CUBN: variants seen among roughly 807,000 people sequenced by gnomAD.
CUBN encodes the protein cubilin, also known as 460 kDa receptor.
CUBN carries 282 observed loss-of-function variants against 405.3 expected under a neutral mutation model. The ratio of observed to expected loss-of-function variants is 0.70; its 90% CI spans 0.63 to 0.77. The LOEUF is 0.77. Among genes scored for constraint, CUBN ranks in the 30% least tolerant of loss-of-function variants. The pLI, the probability that CUBN is intolerant of heterozygous loss-of-function variation, is 0.00. For synonymous variants in CUBN, 1,684 were observed against 1,617.0 expected, an observed-to-expected ratio of 1.04 and a Z score of -0.99; for missense variants, 4,514 against 4,475.2, an observed-to-expected ratio of 1.01 and a Z score of -0.25.
intron 59 of CUBN, among the ~76,000 whole-genome samples, chr10:16,859,652 C>T (rs1271445049): frequency 6.6e-6 from 1 of 152,036 alleles, no homozygotes; most frequent in African/African-American, 2.4e-5. Context: ...TTAAGAAAAT[C>T]AAGTCATTTT....
intron 36 of CUBN, among the ~76,000 whole-genome samples, chr10:16,941,160 C>T (rs1204099782): frequency 1.3e-5 from 2 of 152,050 alleles, no homozygotes; most frequent in Non-Finnish European, 2.9e-5. Flanking sequence ...TAAGGGTAGA[C>T]AAATGGATGA....
chr10:17,100,278 C>T (rs1235098694), intron 13 of CUBN, 39 bp from the exon 14 acceptor site: 20 of 1,361,816 alleles, frequency 1.5e-5, no homozygotes, highest in Middle Eastern at 1.8e-4. Flanking sequence ...CTTTTACTTC[C>T]ATGTAAATTT....
intron 39 of CUBN, 67 bp from the exon 40 acceptor site, chr10:16,933,351 A>C: frequency 6.9e-7 from 1 of 1,444,670 alleles, no homozygotes; most frequent in South Asian, 1.2e-5. Context: ...GCACTTTTTC[A>C]CTTGAAAGTG....
intron 22 of CUBN, among the ~76,000 whole-genome samples, chr10:17,059,017 A>G (rs886365009): frequency 4.6e-5 from 7 of 152,142 alleles, no homozygotes; most frequent in East Asian, 1.9e-4. Flanking sequence ...CATTTTTCCT[A>G]TCCCCTAAAT....
At position 17,042,155 on chromosome 10, in the gene CUBN, T is replaced by A. The variant is rs12783489; in HGVS notation, c.3830-935A>T. Among the ~76,000 whole-genome samples the A allele has an allele frequency of 5.4e-3, 827 of 152,226 alleles. 4 individuals carry two copies. Among genetic ancestry groups the A allele is most frequent in the Middle Eastern group, 0.014 (4 of 294 alleles). ...GTTTAAAAAAGTGTACATTTGTGGC[T>A]CTTCAAAATATTGCTTTGTTGGAGC... On this transcript the variant is annotated intron_variant, in intron 26 of 66. Coordinates refer to ENST00000377833, the MANE Select transcript of CUBN (RefSeq NM_001081.4).
In CUBN at chr10:17,112,530, T is replaced by C. The variant is rs1454098437; in HGVS notation, c.884-1480A>G. On this transcript the variant is annotated intron_variant, in intron 8 of 66. Transcript: ENST00000377833. ...GAATGTAAAAACATTGCCAATCTTC[T>C]AATTTAAATAATTTATTTTTCTGAT... 2.0e-5 allele frequency among the ~76,000 whole-genome samples: 3 copies of C among 152,296 alleles called. No homozygotes were observed. In the East Asian group the frequency reaches 5.8e-4, roughly 29 times the overall value.
In CUBN at chr10:17,071,285, G is replaced by A. The variant is rs573960389; in HGVS notation, c.2625+141C>T. On this transcript the variant is annotated intron_variant, in intron 19 of 66. Transcript: ENST00000377833. ...ATTCACTGAACCAGTATTTTGCTGAGGATTTTTACATATGTATCCATAAGA... is the reference window on the plus strand; with the variant it reads ...ATTCACTGAACCAGTATTTTGCTGAAGATTTTTACATATGTATCCATAAGA... The A allele has an allele frequency of 2.3e-4, 191 of 846,996 alleles. No individual in the cohort carries two copies. In the African/African-American group the frequency reaches 2.6e-3, roughly 12 times the overall value. 52.5% of individuals were successfully genotyped at this position (846,996 alleles called of 1,614,324 possible). A position where few individuals can be genotyped will look rare whatever the true frequency, so the allele number is the denominator to read the frequency against.
intron 58 of CUBN, among the ~76,000 whole-genome samples, chr10:16,870,207 G>T (rs183618192): frequency 2.0e-5 from 3 of 152,198 alleles, no homozygotes; most frequent in African/African-American, 7.2e-5. Flanking sequence ...CAATACTTTA[G>T]TTTTTTAGGT....
intron 33 of CUBN, 82 bp downstream of exon 33, chr10:16,952,194 A>G: frequency 1.1e-6 from 1 of 939,726 alleles, no homozygotes; most frequent in Admixed American, 1.7e-5. Context: ...TAGCACTGAG[A>G]TAAGAAGGTT....
At chr10:16,970,805 A>G (rs1165021125) in intron 31 of CUBN, among the ~76,000 whole-genome samples, 2 of 151,858 alleles carry the variant, frequency 1.3e-5, no homozygotes, top group Non-Finnish European at 2.9e-5. Flanking sequence ...TATCTTTTTT[A>G]TTTTTTAATT....
chr10:16,829,117 T>TC, intron 65 of CUBN, 77 bp from the exon 66 acceptor site: 1 of 1,047,382 alleles, frequency 9.5e-7, no homozygotes, highest in Non-Finnish European at 1.5e-6. Context: ...GCAATAAGAC[T>TC]TTATTTTCTT....
At chr10:16,842,949 G>GCCCTC (rs1323056202) in intron 60 of CUBN, among the ~76,000 whole-genome samples, 1 of 152,162 alleles carries the variant, frequency 6.6e-6, no homozygotes, top group Admixed American at 6.5e-5. Context: ...CCTGTCATGG[G>GCCCTC]CCCTCACCTG....
chr10:17,038,138 C>T (rs957360648), intron 27 of CUBN, among the ~76,000 whole-genome samples: 1 of 152,122 alleles, frequency 6.6e-6, no homozygotes. Context: ...TTCCTCTTCT[C>T]ACTACACACA....
In CUBN at chr10:17,038,519, G is replaced by A. The variant is rs149220033; in HGVS notation, c.4017+2514C>T. On this transcript the variant is annotated intron_variant, in intron 27 of 66. Transcript: ENST00000377833. ...AAACCCATTCCTCTCATCAAGGCGG[G>A]ATAGTGTCTGACCAGCACGTAATTA... Among the ~76,000 whole-genome samples the A allele has an allele frequency of 7.5e-3, 1,141 of 152,274 alleles. 2 individuals carry two copies. The highest frequency in any genetic ancestry group is 0.011 in the Non-Finnish European group (753 of 68,036).
At position 16,959,169 on chromosome 10, in the gene CUBN, G is replaced by A. The variant is rs1257684490; in HGVS notation, c.4696-4621C>T. 1.3e-5 allele frequency among the ~76,000 whole-genome samples: 2 copies of A among 152,168 alleles called. 1 individual carries two copies. Among genetic ancestry groups the A allele is most frequent in the African/African-American group, 4.8e-5 (2 of 41,434 alleles). On this transcript the variant is annotated intron_variant, in intron 31 of 66. Transcript: ENST00000377833. ...ATTAAGCTTCCAGCACATGAACTTG[G>A]AGGGGACACATTCAAACCGTAGCAT...
intron 22 of CUBN, among the ~76,000 whole-genome samples, chr10:17,054,248 T>G (rs1216480715): frequency 6.6e-6 from 1 of 151,240 alleles, no homozygotes; most frequent in Non-Finnish European, 1.5e-5. Flanking sequence ...GGAGAATCAC[T>G]TGAAACCAGG....
chr10:17,073,028 T>C (rs541336558), intron 17 of CUBN, among the ~76,000 whole-genome samples: 1 of 152,308 alleles, frequency 6.6e-6, no homozygotes, highest in East Asian at 1.9e-4. Flanking sequence ...TTTAAAACTT[T>C]TAAGGAAGAG....
At chr10:17,009,999 T>C (rs925259754) in intron 28 of CUBN, among the ~76,000 whole-genome samples, 1 of 152,250 alleles carries the variant, frequency 6.6e-6, no homozygotes, top group Non-Finnish European at 1.5e-5. Flanking sequence ...TGCTCTCACC[T>C]TGTTCCTCAG....
intron 58 of CUBN, among the ~76,000 whole-genome samples, chr10:16,872,481 G>C (rs1051323695): frequency 6.6e-6 from 1 of 152,030 alleles, no homozygotes; most frequent in African/African-American, 2.4e-5. Context: ...TAATGGTATA[G>C]GAAGTGGGGC....
Sources: gnomAD v4.1 joint callset for allele counts (sites outside exome capture counted in the v4.1 genomes callset) on GRCh38, gnomAD v4.1.1 for gene constraint, MANE v1.5 for transcripts, NCBI Gene and HGNC (gene_info 2026-07-23, HGNC 2026-07-21) for gene names.